The following WFDC10B variants were observed in gnomAD, a reference collection of about 807,000 sequenced individuals.
WFDC10B encodes WAP four-disulfide core domain 10B, also known as protein WFDC10B.
In WFDC10B, 1 loss-of-function variant was observed where a neutral mutation model predicts 2.7. The ratio of observed to expected loss-of-function variants is 0.38; its 90% CI spans 0.13 to 1.79. The LOEUF (loss-of-function observed/expected upper bound fraction) is 1.79. Among genes scored for constraint, WFDC10B ranks in the 40% most tolerant of loss-of-function variants. The pLI, the probability that WFDC10B is intolerant of heterozygous loss-of-function variation, is 0.33. For synonymous variants in WFDC10B, 26 were observed against 32.2 expected (o/e 0.81, Z 0.65); for missense variants, 71 against 87.8 (o/e 0.81, Z 0.76).
In WFDC10B at chr20:45,699,244, G is replaced by T. The variant is rs567821331; in HGVS notation, c.-65+5253C>A. Reference sequence around the variant, plus strand: ...TTCCTCAAAAAAGTAAACATACAAAGTTAAACATATGACCCAGCAGTTCTA... The same window carrying T: ...TTCCTCAAAAAAGTAAACATACAAATTTAAACATATGACCCAGCAGTTCTA... On this transcript the variant is annotated intron_variant, in intron 2 of 3. Transcript: ENST00000330523. Among the ~76,000 whole-genome samples, 27 of 152,224 alleles carry T rather than the reference G, an allele frequency of 1.8e-4. No homozygotes were observed. In the South Asian group the frequency reaches 4.1e-3, roughly 23 times the overall value.
intron 2 of WFDC10B, chr20:45,702,239 G>A (rs568419205): frequency 1.1e-5 from 18 of 1,598,102 alleles, no homozygotes; most frequent in African/African-American, 5.4e-5. Flanking sequence ...GCCCAAGGAG[G>A]GAAGTAACAT....
intron 2 of WFDC10B, among the ~76,000 whole-genome samples, chr20:45,703,569 A>G (rs1249666104): frequency 1.3e-5 from 2 of 152,188 alleles, no homozygotes; most frequent in African/African-American, 4.8e-5. Context: ...ACAAGGTACA[A>G]AAATTAGGAC....
chr20:45,704,676 C>T, intron 1 of WFDC10B, 115 bp from the exon 2 acceptor site: 1 of 1,514,416 alleles, frequency 6.6e-7, no homozygotes. Flanking sequence ...AGCAACTGTG[C>T]TGGATCTCTC....
chr20:45,687,673 G>A (rs181150045), intron 2 of WFDC10B, among the ~76,000 whole-genome samples: 13 of 152,162 alleles, frequency 8.5e-5, no homozygotes, highest in African/African-American at 2.9e-4. Context: ...AACAGCATCT[G>A]TAGTTTCTTG....
intron 2 of WFDC10B, among the ~76,000 whole-genome samples, chr20:45,692,111 G>C (rs1983831323): frequency 6.6e-6 from 1 of 152,136 alleles, no homozygotes; most frequent in African/African-American, 2.4e-5. Flanking sequence ...AGTTTGGCTG[G>C]ATATGAAATT....
In WFDC10B at chr20:45,684,852, T is replaced by C. The variant is rs1983553747; in HGVS notation, c.200A>G (p.Asn67Ser). ...CACTCATAGGATGCTCATACAAATGTTCCCACAGAAGGCTGAACAGCATAT... is the reference window on the plus strand; with the variant it reads ...CACTCATAGGATGCTCATACAAATGCTCCCACAGAAGGCTGAACAGCATAT... ...NKICCSAFCG[N>S]ICMSIL Residue 67 changes from asparagine to serine, a missense_variant, in exon 4 of 4, where the codon AAC becomes AGC. Asn to Ser is a conservative substitution (Grantham distance 46). Transcript: ENST00000330523. 1 of 1,613,936 alleles carries C rather than the reference T, an allele frequency of 6.2e-7. No individual in the cohort carries two copies. Among genetic ancestry groups the C allele is most frequent in the Non-Finnish European group, 8.5e-7 (1 of 1,179,874 alleles).
intron 2 of WFDC10B, among the ~76,000 whole-genome samples, chr20:45,696,092 C>T (rs1251068262): frequency 6.6e-6 from 1 of 151,950 alleles, no homozygotes; most frequent in African/African-American, 2.4e-5. Flanking sequence ...CGAGACCATC[C>T]TGGCTAACAC....
At chr20:45,697,671 T>C (rs1417884101) in intron 2 of WFDC10B, among the ~76,000 whole-genome samples, 1 of 151,278 alleles carries the variant, frequency 6.6e-6, no homozygotes. Flanking sequence ...TATTCTATAT[T>C]GGAAGACTTA....
chr20:45,693,560 C>T (rs1026341225), intron 2 of WFDC10B, among the ~76,000 whole-genome samples: 13 of 152,156 alleles, frequency 8.5e-5, no homozygotes, highest in South Asian at 8.3e-4. Flanking sequence ...GCCTTGCTGC[C>T]GCCTTGCTGT....
intron 2 of WFDC10B, among the ~76,000 whole-genome samples, chr20:45,694,361 GC>G (rs765084339): frequency 2.1e-5 from 3 of 145,548 alleles, no homozygotes; most frequent in Non-Finnish European, 4.4e-5. Context: ...GCAAATAGTA[GC>G]AAAAAGAGCT....
chr20:45,693,928 G>A (rs892665587), intron 2 of WFDC10B, among the ~76,000 whole-genome samples: 4 of 152,094 alleles, frequency 2.6e-5, no homozygotes, highest in East Asian at 3.9e-4. Context: ...CATCGCTCAC[G>A]CTAGGAGCTG....
chr20:45,703,617 C>A (rs1185592960), intron 2 of WFDC10B, among the ~76,000 whole-genome samples: 2 of 152,060 alleles, frequency 1.3e-5, no homozygotes, highest in African/African-American at 4.8e-5. Flanking sequence ...TGGGGCCCAT[C>A]TTTAGAGTCC....
intron 2 of WFDC10B, among the ~76,000 whole-genome samples, chr20:45,692,205 A>G (rs6094198): frequency 0.023 from 3,443 of 152,122 alleles, 140 homozygotes; most frequent in African/African-American, 0.079. Context: ...CGAGAGATCC[A>G]CTGTTAGTCT....
chr20:45,696,335 TCATACGAAACTA>T lies in WFDC10B; in HGVS notation c.-65+8150_-65+8161del, dbSNP rs1983979749. ...CTCAAATCTGCAACCTAACTTTACATCATACGAAACTAGAAAGAGAAGAACAAATACACCCAA... is the reference window on the plus strand; with the variant it reads ...CTCAAATCTGCAACCTAACTTTACATGAAAGAGAAGAACAAATACACCCAA... On this transcript the variant is annotated intron_variant, in intron 2 of 3. Coordinates refer to ENST00000330523, the MANE Select transcript of WFDC10B (RefSeq NM_172006.2). 3.6e-5 allele frequency among the ~76,000 whole-genome samples: 5 copies of T among 140,308 alleles called. No homozygotes were observed. The South Asian group carries it at 1.2e-3, about 33-fold the overall frequency. The allele number at this position is 140,308 out of a possible 152,430, so 92.0% of individuals were successfully genotyped here.
chr20:45,695,645 A>T (rs1232366917), intron 2 of WFDC10B, among the ~76,000 whole-genome samples: 2 of 152,170 alleles, frequency 1.3e-5, no homozygotes, highest in African/African-American at 4.8e-5. Flanking sequence ...AAATTAATAC[A>T]CTCTAAAACA....
intron 2 of WFDC10B, among the ~76,000 whole-genome samples, chr20:45,693,951 G>C (rs981748692): frequency 6.8e-6 from 1 of 146,626 alleles, no homozygotes; most frequent in African/African-American, 2.5e-5. Context: ...GAACGGAGCT[G>C]TTCCTATTCA....
chr20:45,693,781 C>T (rs566726051), intron 2 of WFDC10B, among the ~76,000 whole-genome samples: 5 of 152,362 alleles, frequency 3.3e-5, no homozygotes, highest in Admixed American at 6.5e-5. Context: ...TTGCGCTTCC[C>T]GAGTGAGGCA....
At chr20:45,692,235 G>A (rs1983835952) in intron 2 of WFDC10B, among the ~76,000 whole-genome samples, 1 of 152,068 alleles carries the variant, frequency 6.6e-6, no homozygotes, top group African/African-American at 2.4e-5. Context: ...CCCTTTGTGG[G>A]TAACCCGACC....
At chr20:45,692,448 TTCTC>T (rs1219701245) in intron 2 of WFDC10B, among the ~76,000 whole-genome samples, 2 of 152,340 alleles carry the variant, frequency 1.3e-5, no homozygotes, top group East Asian at 1.9e-4. Flanking sequence ...CTTGGTTCCA[TTCTC>T]TCTGTCACTT....
Sources: allele counts gnomAD v4.1 joint callset (sites outside exome capture counted in the v4.1 genomes callset), GRCh38; gene constraint gnomAD v4.1.1; transcripts MANE v1.5; gene names NCBI Gene and HGNC (gene_info 2026-07-23, HGNC 2026-07-21).